Variants in TCN1 observed in about 807,000 individuals in gnomAD.
The protein encoded by TCN1 is transcobalamin-1.
A neutral mutation model predicts 46.3 loss-of-function variants in TCN1; 47 were observed. That is an observed-to-expected ratio of 1.01 (90% confidence interval 0.80 to 1.29). The LOEUF (loss-of-function observed/expected upper bound fraction) is 1.29, where lower values mean the gene tolerates loss of function less well. Ranked by LOEUF, TCN1 falls within the 50% of genes most tolerant of loss-of-function variation. TCN1 has a pLI of 0.00. For missense variants in TCN1, 532 were observed against 511.0 expected, an observed-to-expected ratio of 1.04 and a Z score of -0.40; for synonymous variants, 183 against 192.5, an observed-to-expected ratio of 0.95 and a Z score of 0.41.
At chr11:59,863,815 A>G in intron 2 of TCN1, 92 bp downstream of exon 2, 1 of 1,414,012 alleles carries the variant, frequency 7.1e-7, no homozygotes, top group African/African-American at 1.4e-5. Context: ...TAGCAGGGAT[A>G]CTTTGGATGC....
At position 59,854,081 on chromosome 11, in the gene TCN1, G is replaced by A. The variant is rs567761598; in HGVS notation, c.1121+571C>T. ...AAGCGAGGGCAGGGAGAAGCTTCAG[G>A]GTATCTGTGAAACCCTCAGTTGAAA... On this transcript the variant is annotated intron_variant, in intron 7 of 8. Transcript: ENST00000257264. Among the ~76,000 whole-genome samples, 19 of 151,386 alleles carry A rather than the reference G, an allele frequency of 1.3e-4. No homozygotes were observed. The South Asian group carries it at 3.9e-3, about 31-fold the overall frequency.
Position 59,864,063 on chromosome 11 carries a change from G to A in TCN1, c.103C>T (p.Arg35Cys), listed in dbSNP as rs745904987. The A allele has an allele frequency of 9.3e-6, 15 of 1,613,712 alleles. No homozygotes were observed. The East Asian group carries it at 1.1e-4, about 12-fold the overall frequency. ...ICEVSEENYI[R>C]LKPLLNTMIQ... ...ATTGTATTCAACAGAGGTTTTAGGCGGATGTAGTTTTCTTCACTTACCTCT... is the reference window on the plus strand; with the variant it reads ...ATTGTATTCAACAGAGGTTTTAGGCAGATGTAGTTTTCTTCACTTACCTCT... Residue 35 changes from arginine (R) to cysteine (C), a missense_variant, in exon 2 of 9, where the codon CGC becomes TGC. By Grantham distance (180) the Arg-to-Cys change is radical. Transcript: ENST00000257264.
chr11:59,855,970 C>T lies in TCN1; in HGVS notation c.836G>A (p.Gly279Glu), dbSNP rs375099667. Residue 279 changes from glycine (G) to glutamate (E), a missense_variant, in exon 6 of 9, where the codon GGA becomes GAA. Coordinates refer to ENST00000257264, the MANE Select transcript of TCN1 (RefSeq NM_001062.4). ...LNTVLTEISQ[G>E]AFSNPNAAAQ... ...TGCAGCGTTTGGATTGCTGAATGCT[C>T]CTTGAGAAATTTCCGTGAGCACTGT... 1.9e-5 allele frequency: 30 copies of T among 1,613,186 alleles called. No individual in the cohort carries two copies. The highest frequency in any genetic ancestry group is 2.5e-5 in the Non-Finnish European group (29 of 1,179,772).
At chr11:59,861,017 A>G (rs1853009773) in intron 4 of TCN1, among the ~76,000 whole-genome samples, 1 of 152,204 alleles carries the variant, frequency 6.6e-6, no homozygotes, top group Non-Finnish European at 1.5e-5. Context: ...ACAGTGGGAA[A>G]TTTCTGGTTC....
chr11:59,861,825 C>T (rs548136453), intron 3 of TCN1, 143 bp from the exon 4 acceptor site: 10 of 939,264 alleles, frequency 1.1e-5, no homozygotes, highest in Non-Finnish European at 1.6e-5. Context: ...CCCATAGAAT[C>T]AGAAAACCTG....
Position 59,856,079 on chromosome 11 carries a change from G to C in TCN1, c.748-21C>G, listed in dbSNP as rs543167013. The C allele has an allele frequency of 8.4e-6, 11 of 1,304,342 alleles. 1 individual carries two copies. Among genetic ancestry groups the C allele is most frequent in the Admixed American group, 5.2e-5 (3 of 57,632 alleles). 80.8% of individuals were successfully genotyped at this position (1,304,342 alleles called of 1,614,324 possible). A position where few individuals can be genotyped will look rare whatever the true frequency, so the allele number is the denominator to read the frequency against. ...AGGGCCTAATGAGGCAGGGTGGGGT[G>C]GGGGGGTGATGAGAGATAAAGAGAG... On this transcript the variant is annotated intron_variant, in intron 5 of 8. Transcript: ENST00000257264.
In TCN1 at chr11:59,854,640, G is replaced by C; in HGVS notation, c.1121+12C>G. ...AGCAAACATCTTAACCTTAGGTTAGGTACAGACCTACCCAAATATAGTATC... is the reference window on the plus strand; with the variant it reads ...AGCAAACATCTTAACCTTAGGTTAGCTACAGACCTACCCAAATATAGTATC... On this transcript the variant is annotated intron_variant, in intron 7 of 8. Coordinates refer to ENST00000257264, the MANE Select transcript of TCN1 (RefSeq NM_001062.4). 1 of 1,613,180 alleles carries C rather than the reference G, an allele frequency of 6.2e-7. No individual in the cohort carries two copies. The highest frequency in any genetic ancestry group is 8.5e-7 in the Non-Finnish European group (1 of 1,179,406).
Position 59,859,222 on chromosome 11 carries a change from CTCT to C in TCN1, c.599_601del (p.Lys200del), listed in dbSNP as rs757594565. The stretch of plus-strand genomic sequence containing the variant: ...TGCTTTGATCTGCCCATTTATTAGA[CTCT>C]TCTTCACACAGGTCAGAGCCAGGAC... On this transcript the variant is annotated inframe_deletion, in exon 5 of 9. Transcript: ENST00000257264. 27 of 1,614,048 alleles carry C rather than the reference CTCT, an allele frequency of 1.7e-5. No homozygotes were observed. The highest frequency in any genetic ancestry group is 2.2e-5 in the Non-Finnish European group (26 of 1,180,030).
chr11:59,864,323 A>G (rs1179752600), intron 1 of TCN1, among the ~76,000 whole-genome samples: 1 of 152,166 alleles, frequency 6.6e-6, no homozygotes. Flanking sequence ...ACTGGTGCAG[A>G]CTTATCATTG....
chr11:59,864,946 T>C (rs1419431600), intron 1 of TCN1, among the ~76,000 whole-genome samples: 3 of 152,156 alleles, frequency 2.0e-5, no homozygotes, highest in Admixed American at 1.3e-4. Context: ...CCTTAACTTA[T>C]GACTGTGGAT....
rs1036759452 is a variant in TCN1 at position 59,859,373 on chromosome 11, A to T, written c.557-106T>A. ...ACTTTCAGTGCTAAAAGAAAAACAG[A>T]TCTAGAAAAACTGGGATGGTTGGTC... On this transcript the variant is annotated intron_variant, in intron 4 of 8. Coordinates refer to ENST00000257264, the MANE Select transcript of TCN1 (RefSeq NM_001062.4). The T allele has an allele frequency of 2.2e-5, 28 of 1,246,498 alleles. 1 individual carries two copies. In the South Asian group the frequency reaches 3.4e-4, roughly 15 times the overall value. 77.2% of individuals were successfully genotyped at this position (1,246,498 alleles called of 1,614,324 possible). A position where few individuals can be genotyped will look rare whatever the true frequency, so the allele number is the denominator to read the frequency against.
chr11:59,858,586 G>A (rs1184912028), intron 5 of TCN1, among the ~76,000 whole-genome samples: 2 of 152,168 alleles, frequency 1.3e-5, no homozygotes, highest in African/African-American at 4.8e-5. Context: ...GTACATGTCA[G>A]GGAGGGGAAG....
At chr11:59,854,496 C>T (rs1290495869) in intron 7 of TCN1, among the ~76,000 whole-genome samples, 156 bp downstream of exon 7, 1 of 152,162 alleles carries the variant, frequency 6.6e-6, no homozygotes, top group African/African-American at 2.4e-5. Flanking sequence ...TACCTCACCT[C>T]CTATTTTAAA....
rs1217808201 is a variant in TCN1, at chr11:59,862,671, A to G, written c.311T>C (p.Val104Ala). Residue 104 changes from valine to alanine, a missense_variant, in exon 3 of 9, where the codon GTA (valine) becomes GCA (alanine). Val to Ala is a moderately conservative substitution (Grantham distance 64, BLOSUM62 0). Transcript: ENST00000257264. ...TAAGTTTTCCTCAGCGTTACGACAT[A>G]CTCCCAAAGCCAGTATAATCAAGGC... ...ELALIILALG[V>A]CRNAEENLIY... 6.2e-7 allele frequency: 1 copy of G among 1,613,710 alleles called. No individual in the cohort carries two copies. The highest frequency in any genetic ancestry group is 1.1e-5 in the South Asian group (1 of 91,058).
rs1455146081 is a variant in TCN1 at position 59,852,911 on chromosome 11, A to C, written c.*64T>G. 12 of 1,431,240 alleles carry C rather than the reference A, an allele frequency of 8.4e-6. No homozygotes were observed. The highest frequency in any genetic ancestry group is 1.2e-5 in the Non-Finnish European group (12 of 1,013,370). 88.7% of individuals were successfully genotyped at this position (1,431,240 alleles called of 1,614,324 possible). Reference sequence around the variant, plus strand: ...TGGGATAAATGAAGAAGAAGGCATAAGGACAATAAACATGGAACTCCACTG... The same window carrying C: ...TGGGATAAATGAAGAAGAAGGCATACGGACAATAAACATGGAACTCCACTG... On this transcript the variant is annotated 3_prime_UTR_variant, in exon 9 of 9. Coordinates refer to ENST00000257264, the MANE Select transcript of TCN1 (RefSeq NM_001062.4).
chr11:59,855,577 T>C (rs988931258), intron 6 of TCN1, among the ~76,000 whole-genome samples: 5 of 152,180 alleles, frequency 3.3e-5, no homozygotes, highest in Admixed American at 3.3e-4. Context: ...AGAATGATGC[T>C]CAGATCCTTC....
chr11:59,863,158 C>G (rs1022469504), intron 2 of TCN1, among the ~76,000 whole-genome samples: 16 of 152,160 alleles, frequency 1.1e-4, no homozygotes, highest in African/African-American at 3.4e-4. Flanking sequence ...TGATGCATTC[C>G]TGTATGAATA....
In TCN1 at chr11:59,858,826, C is replaced by T. The variant is rs979874274; in HGVS notation, c.747+251G>A. On this transcript the variant is annotated intron_variant, in intron 5 of 8. Transcript: ENST00000257264. Reference sequence around the variant, plus strand: ...TCTACTAAAAATAGAAAAAATTAGCCGGGCGTGGTGGTGGATGCCTGTAAT... The same window carrying T: ...TCTACTAAAAATAGAAAAAATTAGCTGGGCGTGGTGGTGGATGCCTGTAAT... Among the ~76,000 whole-genome samples, 6 of 152,046 alleles carry T rather than the reference C, an allele frequency of 3.9e-5. No homozygotes were observed. The East Asian group carries it at 5.8e-4, about 15-fold the overall frequency.
At chr11:59,857,179 A>C (rs1852953091) in intron 5 of TCN1, among the ~76,000 whole-genome samples, 1 of 152,214 alleles carries the variant, frequency 6.6e-6, no homozygotes, top group African/African-American at 2.4e-5. Flanking sequence ...TTAATATTTA[A>C]AAATACCCAA....
Sources: gnomAD v4.1 joint callset for allele counts (sites outside exome capture counted in the v4.1 genomes callset) on GRCh38, gnomAD v4.1.1 for gene constraint, MANE v1.5 for transcripts, NCBI Gene and HGNC (gene_info 2026-07-23, HGNC 2026-07-21) for gene names.